GALNT12: variants seen among roughly 807,000 people sequenced by gnomAD.
GALNT12 encodes the protein UDP-GalNAc:polypeptide N-acetylgalactosaminyltransferase 12.
Under a neutral mutation model 55.5 loss-of-function variants are expected in GALNT12, and 45 were observed. The ratio of observed to expected loss-of-function variants is 0.81; its 90% CI spans 0.64 to 1.04. The LOEUF (loss-of-function observed/expected upper bound fraction) is 1.04, where lower values mean the gene tolerates loss of function less well. Ranked by LOEUF, GALNT12 falls within the 50% of genes least tolerant of loss-of-function variation. The pLI is 0.00. For synonymous variants in GALNT12, 304 were observed against 312.2 expected (o/e 0.97, Z 0.28); for missense variants, 709 against 754.8 (o/e 0.94, Z 0.71).
chr9:98,843,401 CT>C (rs113917177), intron 7 of GALNT12, among the ~76,000 whole-genome samples: 1,105 of 143,348 alleles, frequency 7.7e-3, no homozygotes, highest in Non-Finnish European at 0.01. Flanking sequence ...TAAATTAATT[CT>C]TTTTTTTTTT....
chr9:98,817,398 A>C (rs113268833), intron 1 of GALNT12, among the ~76,000 whole-genome samples: 2 of 150,634 alleles, frequency 1.3e-5, no homozygotes, highest in African/African-American at 4.8e-5. Context: ...ATACACACAC[A>C]TATGTTTTCC....
rs1588449812 is a variant in GALNT12, at chr9:98,831,781, A to G, written c.741A>G (p.Glu247=). 1 of 1,614,186 alleles carries G rather than the reference A, an allele frequency of 6.2e-7. No homozygotes were observed. The highest frequency in any genetic ancestry group is 8.5e-7 in the Non-Finnish European group (1 of 1,180,036). The change falls in exon 4 of 10, where the codon GAA becomes GAG. Residue 247 remains glutamate, a synonymous_variant. Coordinates refer to ENST00000375011, the MANE Select transcript of GALNT12 (RefSeq NM_024642.5). The part of the protein sequence containing the change: ...WLEPLLQRIH[E]EESAVVCPVI... Reference sequence around the variant, plus strand: ...TCTTGGGTGCTTTCAGGATCCATGAAGAGGAGTCGGCAGTGGTGTGCCCGG... The same window carrying G: ...TCTTGGGTGCTTTCAGGATCCATGAGGAGGAGTCGGCAGTGGTGTGCCCGG...
chr9:98,848,576 A>C (rs1299979494), intron 9 of GALNT12, among the ~76,000 whole-genome samples: 1 of 152,230 alleles, frequency 6.6e-6, no homozygotes, highest in Non-Finnish European at 1.5e-5. Context: ...ACTCTGTTTA[A>C]ATACCTAAGA....
At chr9:98,831,707 T>C in intron 3 of GALNT12, 65 bp from the exon 4 acceptor site, 1 of 1,570,584 alleles carries the variant, frequency 6.4e-7, no homozygotes. Context: ...CCCTTGAATT[T>C]CCCAATTGTC....
chr9:98,815,989 G>C (rs569338196), intron 1 of GALNT12, among the ~76,000 whole-genome samples: 1 of 152,196 alleles, frequency 6.6e-6, no homozygotes, highest in South Asian at 2.1e-4. Flanking sequence ...CTCTCATGTA[G>C]TAAACACTCA....
intron 5 of GALNT12, 148 bp from the exon 6 acceptor site, chr9:98,836,824 G>C (rs150280556): frequency 0.011 from 8,427 of 791,838 alleles, 59 homozygotes; most frequent in Middle Eastern, 0.016. Flanking sequence ...TGAGTGTGCC[G>C]GGTAGGTGGC....
chr9:98,831,771 G>A lies in GALNT12; in HGVS notation c.732-1G>A. On this transcript the variant is annotated splice_acceptor_variant, in intron 3 of 9. Coordinates refer to ENST00000375011, the MANE Select transcript of GALNT12 (RefSeq NM_024642.5). LOFTEE classifies it high-confidence loss of function. ...CGGATGGATGTCTTGGGTGCTTTCAGGATCCATGAAGAGGAGTCGGCAGTG... is the reference window on the plus strand; with the variant it reads ...CGGATGGATGTCTTGGGTGCTTTCAAGATCCATGAAGAGGAGTCGGCAGTG... 6.2e-7 allele frequency: 1 copy of A among 1,614,186 alleles called. No homozygotes were observed. The highest frequency in any genetic ancestry group is 8.5e-7 in the Non-Finnish European group (1 of 1,180,032).
chr9:98,842,081 TTG>T (rs987777957), intron 7 of GALNT12, among the ~76,000 whole-genome samples: 7 of 152,140 alleles, frequency 4.6e-5, no homozygotes, highest in African/African-American at 1.7e-4. Flanking sequence ...GTTTTTTTTT[TTG>T]TTGTGGCTCA....
chr9:98,810,235 A>G (rs1430956519), intron 1 of GALNT12, among the ~76,000 whole-genome samples: 1 of 152,116 alleles, frequency 6.6e-6, no homozygotes. Flanking sequence ...TCTAATAAAC[A>G]GAGGGATAAT....
chr9:98,849,283 G>A lies in GALNT12; in HGVS notation c.*191G>A, dbSNP rs1407387469. 16 of 630,160 alleles carry A rather than the reference G, an allele frequency of 2.5e-5. No individual in the cohort carries two copies. Among genetic ancestry groups the A allele is most frequent in the East Asian group, 1.4e-4 (5 of 36,598 alleles). The allele number at this position is 630,160 out of a possible 1,614,324, so 39.0% of individuals were successfully genotyped here. ...TGTGAATAAGCTTTGTACTTATTTT[G>A]AGAACTTTTTAAATGTTCCAAAATA... On this transcript the variant is annotated 3_prime_UTR_variant, in exon 10 of 10. Coordinates refer to ENST00000375011, the MANE Select transcript of GALNT12 (RefSeq NM_024642.5).
chr9:98,808,372 AAGGC>A (rs1835423902), intron 1 of GALNT12, among the ~76,000 whole-genome samples: 1 of 152,130 alleles, frequency 6.6e-6, no homozygotes, highest in South Asian at 2.1e-4. Context: ...AGAAGGGTTT[AAGGC>A]GAGGACCCCC....
intron 1 of GALNT12, among the ~76,000 whole-genome samples, chr9:98,821,173 C>G (rs1835726132): frequency 6.6e-6 from 1 of 152,088 alleles, no homozygotes; most frequent in Non-Finnish European, 1.5e-5. Context: ...TCATGCCCGG[C>G]TAATTTTTGT....
chr9:98,847,372 A>C (rs1292857355), intron 9 of GALNT12: 2 of 152,160 alleles, frequency 1.3e-5, no homozygotes, highest in African/African-American at 4.8e-5. Context: ...ATACAGGAAA[A>C]TAAGAAGGAA....
At chr9:98,810,294 T>A (rs1747649637) in intron 1 of GALNT12, among the ~76,000 whole-genome samples, 1 of 152,064 alleles carries the variant, frequency 6.6e-6, no homozygotes, top group Non-Finnish European at 1.5e-5. Context: ...GAGGAGCATC[T>A]AGTCTAACCA....
chr9:98,836,949 C>A (rs757716209), intron 5 of GALNT12, 23 bp from the exon 6 acceptor site: 1 of 1,613,676 alleles, frequency 6.2e-7, no homozygotes, highest in Non-Finnish European at 8.5e-7. Flanking sequence ...CACCACCTGG[C>A]CTCTCCTTTT....
chr9:98,831,999 C>A, intron 4 of GALNT12, 42 bp downstream of exon 4: 2 of 1,550,240 alleles, frequency 1.3e-6, no homozygotes, highest in South Asian at 1.1e-5. Flanking sequence ...TTAAGCATGC[C>A]TCATTGAATC....
chr9:98,828,193 G>A (rs1045375291), intron 3 of GALNT12, among the ~76,000 whole-genome samples: 2 of 152,174 alleles, frequency 1.3e-5, no homozygotes, highest in Non-Finnish European at 2.9e-5. Flanking sequence ...AGGGTTGTCT[G>A]AAAGAGCTGG....
chr9:98,814,236 A>G (rs912026545), intron 1 of GALNT12, among the ~76,000 whole-genome samples: 19 of 152,180 alleles, frequency 1.2e-4, no homozygotes, highest in African/African-American at 4.3e-4. Flanking sequence ...GAGAATTGGA[A>G]AAGGTTGGCT....
chr9:98,814,507 G>A (rs1365542342), intron 1 of GALNT12, among the ~76,000 whole-genome samples: 2 of 151,982 alleles, frequency 1.3e-5, no homozygotes, highest in Admixed American at 6.6e-5. Context: ...TCAGGAGTTC[G>A]AGACCAGCCC....
Sources: gnomAD v4.1 joint callset for allele counts (sites outside exome capture counted in the v4.1 genomes callset) on GRCh38, gnomAD v4.1.1 for gene constraint, MANE v1.5 for transcripts, NCBI Gene and HGNC (gene_info 2026-07-23, HGNC 2026-07-21) for gene names.